The following PCSK6 variants were observed in gnomAD, a reference collection of about 807,000 sequenced individuals.
PCSK6 encodes the protein paired basic amino acid cleaving enzyme 4.
PCSK6 carries 85 observed loss-of-function variants against 123.3 expected under a neutral mutation model. That is an observed-to-expected ratio of 0.69 (90% confidence interval 0.58 to 0.83). PCSK6 has a LOEUF of 0.83. Ranked by LOEUF, PCSK6 falls within the 40% of genes least tolerant of loss-of-function variation. The probability of loss-of-function intolerance (pLI) is 0.00; values close to 1 mark genes in which losing one functional copy is unlikely to be tolerated. For missense variants in PCSK6, 1,191 were observed against 1,282.3 expected, an observed-to-expected ratio of 0.93 and a Z score of 1.09; for synonymous variants, 508 against 516.0, an observed-to-expected ratio of 0.98 and a Z score of 0.21.
chr15:101,420,081 C>G (rs1287620520), intron 6 of PCSK6, among the ~76,000 whole-genome samples: 1 of 150,742 alleles, frequency 6.6e-6, no homozygotes. Context: ...ATCCCAGGTA[C>G]TCGGGAGGCT....
intron 1 of PCSK6, chr15:101,462,982 G>C: frequency 2.2e-6 from 1 of 455,870 alleles, no homozygotes; most frequent in Non-Finnish European, 4.4e-6. Flanking sequence ...TTTGTGCAGA[G>C]GAGGGCCGTT....
rs759783819 is a variant in PCSK6 at position 101,307,254 on chromosome 15, T to G, written c.2771A>C (p.Gln924Pro). ...NCSRCKTGFT[Q>P]LGTSCITNHT... ...GTTGGTGATGCAGGAGGTCCCCAGCTGTGTGAAGCCCGTCTTACACCTGCT... is the reference window on the plus strand; with the variant it reads ...GTTGGTGATGCAGGAGGTCCCCAGCGGTGTGAAGCCCGTCTTACACCTGCT... The change falls in exon 21 of 22, where the codon CAG becomes CCG. Residue 924 changes from glutamine (Q) to proline (P), a missense_variant. Physicochemically the swap from Gln to Pro is moderately conservative, Grantham distance 76. Transcript: ENST00000611716. 1.2e-6 allele frequency: 2 copies of G among 1,613,712 alleles called. No individual in the cohort carries two copies. The highest frequency in any genetic ancestry group is 2.2e-5 in the South Asian group (2 of 91,066).
chr15:101,333,755 T>C (rs1186448039), intron 13 of PCSK6, among the ~76,000 whole-genome samples: 1 of 115,980 alleles, frequency 8.6e-6, no homozygotes, highest in East Asian at 3.1e-4. Flanking sequence ...CTCATCCTCA[T>C]ACCATAAGCC....
At chr15:101,413,319 C>T (rs1311245194) in intron 6 of PCSK6, among the ~76,000 whole-genome samples, 1 of 152,026 alleles carries the variant, frequency 6.6e-6, no homozygotes, top group Non-Finnish European at 1.5e-5. Flanking sequence ...AGTGACAACA[C>T]CCATAAAATT....
At chr15:101,383,974 A>G (rs534993385) in intron 10 of PCSK6, 1 of 359,068 alleles carries the variant, frequency 2.8e-6, no homozygotes, top group East Asian at 1.7e-4. Context: ...GGCTCAAGCA[A>G]TCCTCCTGCC....
chr15:101,368,062 C>T (rs901813446), intron 12 of PCSK6, among the ~76,000 whole-genome samples: 1 of 152,210 alleles, frequency 6.6e-6, no homozygotes, highest in African/African-American at 2.4e-5. Flanking sequence ...GTGATCCACC[C>T]ACCTTGGCCC....
intron 13 of PCSK6, among the ~76,000 whole-genome samples, chr15:101,354,772 C>T (rs1009114735): frequency 8.5e-5 from 13 of 152,222 alleles, no homozygotes; most frequent in African/African-American, 3.1e-4. Flanking sequence ...AATCTGGTTT[C>T]GCCCACCCTC....
chr15:101,417,075 T>C (rs1364368747), intron 6 of PCSK6, among the ~76,000 whole-genome samples: 1 of 152,218 alleles, frequency 6.6e-6, no homozygotes, highest in Non-Finnish European at 1.5e-5. Context: ...TTGTACCATG[T>C]GCCTGGAAAA....
chr15:101,473,906 T>A (rs7498115), intron 1 of PCSK6, among the ~76,000 whole-genome samples: 18,273 of 144,698 alleles, frequency 0.13, 1,252 homozygotes, highest in South Asian at 0.19. Context: ...AAATAAATAA[T>A]GAATGAATGA....
intron 1 of PCSK6, among the ~76,000 whole-genome samples, chr15:101,478,484 TC>T (rs1481327994): frequency 6.6e-6 from 1 of 152,122 alleles, no homozygotes; most frequent in Non-Finnish European, 1.5e-5. Flanking sequence ...CACCCATGCC[TC>T]CTGTCCTCAG....
intron 6 of PCSK6, among the ~76,000 whole-genome samples, chr15:101,415,031 G>C (rs1026105686): frequency 6.6e-5 from 10 of 152,112 alleles, no homozygotes; most frequent in African/African-American, 2.2e-4. Context: ...ACAATTAAAG[G>C]GCAAAAATGA....
chr15:101,312,838 C>A (rs929451152), intron 20 of PCSK6, among the ~76,000 whole-genome samples: 1 of 151,016 alleles, frequency 6.6e-6, no homozygotes, highest in African/African-American at 2.4e-5. Flanking sequence ...TCAAAAAAAA[C>A]GAAAACAAAA....
chr15:101,489,190 GC>G (rs1292931454), intron 1 of PCSK6, among the ~76,000 whole-genome samples, 183 bp downstream of exon 1: 5 of 48,838 alleles, frequency 1.0e-4, no homozygotes, highest in African/African-American at 2.3e-4. Context: ...TCCCGCGCGC[GC>G]CCCCCCGGGC....
intron 20 of PCSK6, among the ~76,000 whole-genome samples, chr15:101,312,821 C>T (rs1163495828): frequency 1.3e-5 from 2 of 150,794 alleles, no homozygotes; most frequent in African/African-American, 4.9e-5. Context: ...ACAGGCGAGA[C>T]TCCATCTCAA....
chr15:101,395,841 C>T (rs2042396779), intron 7 of PCSK6, among the ~76,000 whole-genome samples: 2 of 152,186 alleles, frequency 1.3e-5, no homozygotes, highest in Non-Finnish European at 1.5e-5. Context: ...TTAGCCACAG[C>T]AATGTCTAAT....
chr15:101,403,964 G>A (rs758320292), intron 6 of PCSK6, among the ~76,000 whole-genome samples: 15 of 152,144 alleles, frequency 9.9e-5, no homozygotes, highest in South Asian at 2.1e-4. Context: ...CAGGTGATCC[G>A]CCCACCTCGC....
intron 13 of PCSK6, among the ~76,000 whole-genome samples, chr15:101,340,015 T>A (rs1457428834): frequency 6.6e-6 from 1 of 151,900 alleles, no homozygotes; most frequent in South Asian, 2.1e-4. Context: ...CAACCTTTAC[T>A]CAATAAACAC....
At position 101,452,676 on chromosome 15, in the gene PCSK6, C is replaced by T. The variant is rs542353272; in HGVS notation, c.298-9016G>A. 5.3e-5 allele frequency among the ~76,000 whole-genome samples: 8 copies of T among 152,216 alleles called. No homozygotes were observed. The East Asian group carries it at 1.5e-3, about 29-fold the overall frequency. On this transcript the variant is annotated intron_variant, in intron 1 of 21. Coordinates refer to ENST00000611716, the MANE Select transcript of PCSK6 (RefSeq NM_002570.5). The stretch of plus-strand genomic sequence containing the variant: ...GGGCTACGGGTGGGAACAGGCTACT[C>T]CAGATGTCAGTCCAGGCAGATAACC...
At position 101,398,618 on chromosome 15, in the gene PCSK6, G is replaced by A. The variant is rs1016968170; in HGVS notation, c.824-42C>T. On this transcript the variant is annotated intron_variant, in intron 6 of 21. Coordinates refer to ENST00000611716, the MANE Select transcript of PCSK6 (RefSeq NM_002570.5). The surrounding 1 kb of genome is among the most constrained non-coding windows in gnomAD (Gnocchi z 4.6). ...GGCTCGGTGTCGGCGCCCAGGCTCC[G>A]GGCACACAGCGACGGGAACCCGGGC... is the stretch of plus-strand genomic sequence containing the variant. 24 of 1,584,052 alleles carry A rather than the reference G, an allele frequency of 1.5e-5. No individual in the cohort carries two copies. The highest frequency in any genetic ancestry group is 8.9e-5 in the South Asian group (8 of 89,688).
Sources: gnomAD v4.1 joint callset for allele counts (sites outside exome capture counted in the v4.1 genomes callset) on GRCh38, gnomAD v4.1.1 for gene constraint, Gnocchi (gnomAD v3.1) non-coding constraint, MANE v1.5 for transcripts, NCBI Gene and HGNC (gene_info 2026-07-23, HGNC 2026-07-21) for gene names.